The following SEMA5A variants were observed in gnomAD, a reference collection of about 807,000 sequenced individuals.
SEMA5A encodes the protein semaphorin-5A.
SEMA5A carries 55 observed loss-of-function variants against 135.5 expected under a neutral mutation model. The ratio of observed to expected loss-of-function variants is 0.41; its 90% CI spans 0.33 to 0.51. The LOEUF is 0.51. SEMA5A is among the 20% of genes least tolerant of loss of function. The probability of loss-of-function intolerance (pLI) is 0.37; values close to 1 mark genes in which losing one functional copy is unlikely to be tolerated. For synonymous variants in SEMA5A, 580 were observed against 546.5 expected (o/e 1.06, Z -0.85); for missense variants, 1,290 against 1,419.9 (o/e 0.91, Z 1.47).
intron 8 of SEMA5A, 65 bp downstream of exon 8, chr5:9,224,609 G>C: frequency 6.8e-7 from 1 of 1,470,894 alleles, no homozygotes; most frequent in East Asian, 2.3e-5. Context: ...GTTTGCTTTT[G>C]AGCACCAAAT....
intron 9 of SEMA5A, among the ~76,000 whole-genome samples, chr5:9,201,129 G>A (rs1000007003): frequency 6.6e-6 from 1 of 152,204 alleles, no homozygotes; most frequent in Non-Finnish European, 1.5e-5. Context: ...AACCCATAGT[G>A]TAGGATCAGC....
chr5:9,307,300 C>A (rs964736168), intron 5 of SEMA5A, among the ~76,000 whole-genome samples: 5 of 152,132 alleles, frequency 3.3e-5, no homozygotes, highest in African/African-American at 1.2e-4. Flanking sequence ...GAGAGCACAG[C>A]AAAAGGATTG....
At chr5:9,079,858 C>T (rs528958538) in intron 16 of SEMA5A, among the ~76,000 whole-genome samples, 13 of 152,198 alleles carry the variant, frequency 8.5e-5, no homozygotes, top group African/African-American at 2.6e-4. Context: ...CACCATCTCA[C>T]GCCAGTTAGA....
At chr5:9,247,825 C>T (rs1748556874) in intron 5 of SEMA5A, among the ~76,000 whole-genome samples, 1 of 152,048 alleles carries the variant, frequency 6.6e-6, no homozygotes, top group Non-Finnish European at 1.5e-5. Flanking sequence ...ATTGTTTACT[C>T]TCATTTTAAA....
chr5:9,318,312 T>G, intron 5 of SEMA5A, 60 bp downstream of exon 5: 1 of 1,512,184 alleles, frequency 6.6e-7, no homozygotes, highest in East Asian at 2.3e-5. Flanking sequence ...CTTCATCCCC[T>G]CAAACAGTGA....
intron 2 of SEMA5A, among the ~76,000 whole-genome samples, chr5:9,380,989 G>A (rs1166452089): frequency 2.6e-5 from 4 of 152,170 alleles, no homozygotes; most frequent in South Asian, 4.1e-4. Flanking sequence ...GAAGAGGTAC[G>A]CAACATGTTT....
chr5:9,448,871 C>G (rs1371495239), intron 1 of SEMA5A, among the ~76,000 whole-genome samples: 1 of 152,176 alleles, frequency 6.6e-6, no homozygotes, highest in African/African-American at 2.4e-5. Flanking sequence ...TTCTCTGTCT[C>G]CTGGTCAAGG....
At chr5:9,138,063 AT>A (rs1353352600) in intron 12 of SEMA5A, among the ~76,000 whole-genome samples, 1 of 152,212 alleles carries the variant, frequency 6.6e-6, no homozygotes, top group Non-Finnish European at 1.5e-5. Context: ...TCATTTATTA[AT>A]TACCTAAAGA....
chr5:9,494,471 G>A (rs186236720), intron 1 of SEMA5A, among the ~76,000 whole-genome samples: 41 of 152,232 alleles, frequency 2.7e-4, no homozygotes, highest in African/African-American at 9.1e-4. Context: ...AATTATCGAG[G>A]TCAGTGGCTC....
intron 1 of SEMA5A, among the ~76,000 whole-genome samples, chr5:9,458,124 G>C (rs1296091941): frequency 5.3e-5 from 8 of 151,738 alleles, no homozygotes; most frequent in Non-Finnish European, 7.4e-5. Flanking sequence ...AGCCAGGATG[G>C]TCTCGATCTC....
chr5:9,257,921 G>C (rs1238183060), intron 5 of SEMA5A, among the ~76,000 whole-genome samples: 1 of 152,154 alleles, frequency 6.6e-6, no homozygotes, highest in Non-Finnish European at 1.5e-5. Context: ...GAGAAGCCAA[G>C]TAAAGGGCAA....
intron 1 of SEMA5A, among the ~76,000 whole-genome samples, chr5:9,471,298 T>G (rs928289017): frequency 6.6e-6 from 1 of 152,104 alleles, no homozygotes; most frequent in African/African-American, 2.4e-5. Flanking sequence ...TTCTTGGGAG[T>G]GTCCCTGAAA....
At chr5:9,087,097 A>G (rs1420918086) in intron 16 of SEMA5A, among the ~76,000 whole-genome samples, 1 of 152,224 alleles carries the variant, frequency 6.6e-6, no homozygotes, top group African/African-American at 2.4e-5. Context: ...GAACAGCCAG[A>G]TACAGCACGA....
At chr5:9,233,280 C>A (rs1203935288) in intron 6 of SEMA5A, among the ~76,000 whole-genome samples, 1 of 152,190 alleles carries the variant, frequency 6.6e-6, no homozygotes, top group Non-Finnish European at 1.5e-5. Context: ...CATTATAGCC[C>A]AACACACACA....
intron 11 of SEMA5A, among the ~76,000 whole-genome samples, chr5:9,162,380 A>T (rs1560976508): frequency 1.3e-5 from 1 of 77,410 alleles, no homozygotes; most frequent in Non-Finnish European, 2.6e-5. Context: ...GTTCAAACAA[A>T]CATGTGTGTG....
At chr5:9,340,275 TCAC>T (rs1481437859) in intron 3 of SEMA5A, among the ~76,000 whole-genome samples, 4 of 152,204 alleles carry the variant, frequency 2.6e-5, no homozygotes, top group Middle Eastern at 3.4e-3. Flanking sequence ...GGGGCTCTGT[TCAC>T]CACAACTCAC....
At chr5:9,284,536 T>C (rs1370651922) in intron 5 of SEMA5A, among the ~76,000 whole-genome samples, 2 of 152,182 alleles carry the variant, frequency 1.3e-5, no homozygotes, top group Non-Finnish European at 2.9e-5. Flanking sequence ...CCATTCCTTT[T>C]CTATAATGGA....
chr5:9,525,959 A>C (rs1015372823), intron 1 of SEMA5A, among the ~76,000 whole-genome samples: 3 of 152,232 alleles, frequency 2.0e-5, no homozygotes, highest in African/African-American at 7.2e-5. Flanking sequence ...TGTATGATAA[A>C]GGATAATTAC....
chr5:9,506,663 A>G (rs909690285), intron 1 of SEMA5A, among the ~76,000 whole-genome samples: 4 of 152,190 alleles, frequency 2.6e-5, no homozygotes, highest in African/African-American at 4.8e-5. Context: ...TGTGGGCAAA[A>G]ATTGCAAATG....
Sources: allele counts gnomAD v4.1 joint callset (sites outside exome capture counted in the v4.1 genomes callset), GRCh38; gene constraint gnomAD v4.1.1; transcripts MANE v1.5; gene names NCBI Gene and HGNC (gene_info 2026-07-23, HGNC 2026-07-21).